MAPRE2: variants seen among roughly 807,000 people sequenced by gnomAD.
MAPRE2 encodes microtubule associated protein RP/EB family member 2.
A neutral mutation model predicts 43.2 loss-of-function variants in MAPRE2; 13 were observed. That is an observed-to-expected ratio of 0.30 (90% confidence interval 0.20 to 0.48). The LOEUF (loss-of-function observed/expected upper bound fraction) is 0.48. MAPRE2 is among the 20% of genes least tolerant of loss of function. The pLI is 0.99. For missense variants in MAPRE2, 161 were observed against 400.2 expected (o/e 0.40, Z 5.10); for synonymous variants, 135 against 148.8 (o/e 0.91, Z 0.68).
intron 2 of MAPRE2, among the ~76,000 whole-genome samples, chr18:35,025,075 A>G (rs1191503654): frequency 1.3e-5 from 2 of 152,208 alleles, no homozygotes; most frequent in Non-Finnish European, 2.9e-5. Flanking sequence ...TGTCCTTTAT[A>G]GAGTATTTGT....
chr18:34,989,081 A>ATCC (rs1303824667), intron 1 of MAPRE2, among the ~76,000 whole-genome samples: 1 of 152,156 alleles, frequency 6.6e-6, no homozygotes, highest in African/African-American at 2.4e-5. Flanking sequence ...AAATCTATTT[A>ATCC]TCCTTTTGTT....
chr18:35,002,836 T>C (rs944226730), intron 1 of MAPRE2, among the ~76,000 whole-genome samples: 1 of 152,210 alleles, frequency 6.6e-6, no homozygotes, highest in East Asian at 1.9e-4. Flanking sequence ...TTGCAAATAC[T>C]TTCTTCTAGT....
chr18:34,982,594 AT>A (rs2097017002), intron 1 of MAPRE2, among the ~76,000 whole-genome samples: 1 of 152,200 alleles, frequency 6.6e-6, no homozygotes, highest in African/African-American at 2.4e-5. Context: ...ATTTCACAAA[AT>A]TTTTGTTCCA....
At chr18:35,001,053 G>A (rs1303362274) in intron 1 of MAPRE2, among the ~76,000 whole-genome samples, 1 of 152,178 alleles carries the variant, frequency 6.6e-6, no homozygotes, top group Non-Finnish European at 1.5e-5. Flanking sequence ...GATTGTGCCT[G>A]TGAATAGCCT....
At chr18:35,070,371 T>C (rs201178742) in intron 2 of MAPRE2, 49 bp downstream of exon 2, 530 of 1,497,996 alleles carry the variant, frequency 3.5e-4, no homozygotes, top group Non-Finnish European at 4.5e-4. Flanking sequence ...CAGTCTGTCA[T>C]GTGGAATGTG....
chr18:35,047,955 C>T (rs868536761), intron 1 of MAPRE2, among the ~76,000 whole-genome samples: 6 of 152,126 alleles, frequency 3.9e-5, no homozygotes, highest in African/African-American at 1.2e-4. Context: ...TTCTAGGCCT[C>T]TCTTTGTTCC....
chr18:35,096,001 T>C (rs1471449909), intron 2 of MAPRE2, among the ~76,000 whole-genome samples: 1 of 152,226 alleles, frequency 6.6e-6, no homozygotes, highest in Admixed American at 6.5e-5. Flanking sequence ...TTTATCACTT[T>C]ACGCTCTTAC....
At chr18:35,097,256 G>C (rs1295383443) in intron 2 of MAPRE2, among the ~76,000 whole-genome samples, 190 bp from the exon 3 acceptor site, 3 of 152,104 alleles carry the variant, frequency 2.0e-5, no homozygotes, top group Non-Finnish European at 4.4e-5. Flanking sequence ...CTGTATTGTT[G>C]AGGTACAGTC....
At position 35,127,001 on chromosome 18, in the gene MAPRE2, T is replaced by C; in HGVS notation, c.664T>C (p.Ser222Pro). 5.6e-6 allele frequency: 9 copies of C among 1,614,150 alleles called. No homozygotes were observed. Among genetic ancestry groups the C allele is most frequent in the Non-Finnish European group, 7.6e-6 (9 of 1,180,008 alleles). The change falls in exon 5 of 7, where the codon TCA becomes CCA. Residue 222 changes from serine to proline, a missense_variant. By Grantham distance (74) the Ser-to-Pro change is moderately conservative. Around this residue, in one of 2 missense-constraint regions of MAPRE2, gnomAD observed 96 missense variants for 153.3 expected, o/e 0.63. Coordinates refer to ENST00000300249, the MANE Select transcript of MAPRE2 (RefSeq NM_014268.4). ...AKPGSTPSRP[S>P]SAKRASSSGS... Reference sequence around the variant, plus strand: ...ACCAGGATCCACACCTTCTCGACCCTCATCAGCCAAAAGGGCTTCTTCCAG... The same window carrying C: ...ACCAGGATCCACACCTTCTCGACCCCCATCAGCCAAAAGGGCTTCTTCCAG...
At chr18:34,995,944 C>T (rs1334992472) in intron 1 of MAPRE2, among the ~76,000 whole-genome samples, 1 of 152,100 alleles carries the variant, frequency 6.6e-6, no homozygotes, top group Non-Finnish European at 1.5e-5. Context: ...TTCTCACACC[C>T]CTCAACGGCT....
In MAPRE2 at chr18:35,102,138, C is replaced by T; in HGVS notation, c.589C>T (p.His197Tyr). ...QIFNLPKKSHHANSPTAGAAK... is the reference protein window; with the variant it reads ...QIFNLPKKSHYANSPTAGAAK... ...CTTCAACCTGCCAAAAAAGTCTCAC[C>T]ATGCAAACTCCCCCACAGCAGGTAT... Residue 197 changes from histidine (H) to tyrosine (Y), a missense_variant, in exon 4 of 7, where the codon CAT (histidine) becomes TAT (tyrosine). Physicochemically the swap from His to Tyr is moderately conservative, Grantham distance 83. Coordinates refer to ENST00000300249, the MANE Select transcript of MAPRE2 (RefSeq NM_014268.4). The T allele has an allele frequency of 6.3e-7, 1 of 1,599,424 alleles. No homozygotes were observed. Among genetic ancestry groups the T allele is most frequent in the Non-Finnish European group, 8.5e-7 (1 of 1,174,774 alleles).
chr18:35,026,455 CCA>C (rs1376008234), intron 2 of MAPRE2, among the ~76,000 whole-genome samples: 1 of 152,126 alleles, frequency 6.6e-6, no homozygotes, highest in Admixed American at 6.5e-5. Flanking sequence ...GGACACCACA[CCA>C]CAGTCTCACA....
At chr18:35,051,360 G>A (rs1051908614) in intron 1 of MAPRE2, among the ~76,000 whole-genome samples, 1 of 152,210 alleles carries the variant, frequency 6.6e-6, no homozygotes, top group Non-Finnish European at 1.5e-5. Context: ...AAATTGTTAA[G>A]TTTGAGTTTG....
chr18:35,001,408 G>A (rs1181179252), intron 1 of MAPRE2, among the ~76,000 whole-genome samples: 2 of 152,138 alleles, frequency 1.3e-5, no homozygotes, highest in Non-Finnish European at 2.9e-5. Context: ...CAGCTACGCG[G>A]GAGGTTGAGG....
At chr18:35,052,662 A>G (rs935898655) in intron 1 of MAPRE2, among the ~76,000 whole-genome samples, 1 of 152,144 alleles carries the variant, frequency 6.6e-6, no homozygotes, top group African/African-American at 2.4e-5. Context: ...TGGTTGTACC[A>G]TTTTACATTC....
Position 35,041,676 on chromosome 18 carries a change from A to T in MAPRE2, c.122+15A>T, listed in dbSNP as rs918750594. The T allele has an allele frequency of 4.3e-6, 7 of 1,614,012 alleles. No homozygotes were observed. Among genetic ancestry groups the T allele is most frequent in the Non-Finnish European group, 5.9e-6 (7 of 1,180,016 alleles). ...CGTTCCTACAGGTAATGGGGCTGGCACGAGAGCAGCGCCGGGGACCGCCGT... is the reference window on the plus strand; with the variant it reads ...CGTTCCTACAGGTAATGGGGCTGGCTCGAGAGCAGCGCCGGGGACCGCCGT... On this transcript the variant is annotated intron_variant, in intron 1 of 6. Coordinates refer to ENST00000300249, the MANE Select transcript of MAPRE2 (RefSeq NM_014268.4).
At chr18:35,127,116 A>G (rs1909941497) in intron 5 of MAPRE2, 29 bp downstream of exon 5, 2 of 1,613,678 alleles carry the variant, frequency 1.2e-6, no homozygotes, top group Non-Finnish European at 1.7e-6. Context: ...CCACGCCTCT[A>G]GGAGCAGTGA....
At chr18:35,133,865 T>G (rs1414482469) in intron 6 of MAPRE2, among the ~76,000 whole-genome samples, 2 of 152,120 alleles carry the variant, frequency 1.3e-5, no homozygotes, top group Admixed American at 6.5e-5. Context: ...ATGACCGCAC[T>G]CAGTTTCTGT....
chr18:35,030,313 C>T (rs1568976848), intron 2 of MAPRE2, among the ~76,000 whole-genome samples: 1 of 152,190 alleles, frequency 6.6e-6, no homozygotes, highest in Non-Finnish European at 1.5e-5. Context: ...CGTTTTATGG[C>T]AGCAGTCTCT....
Sources: gnomAD v4.1 joint callset for allele counts (sites outside exome capture counted in the v4.1 genomes callset) on GRCh38, gnomAD v4.1.1 for gene constraint, gnomAD v4.1.1 regional missense constraint, MANE v1.5 for transcripts, NCBI Gene and HGNC (gene_info 2026-07-23, HGNC 2026-07-21) for gene names.